The following PPP5C variants were observed in gnomAD, a reference collection of about 807,000 sequenced individuals.
The protein encoded by PPP5C is serine/threonine-protein phosphatase 5.
In PPP5C, 21 loss-of-function variants were observed where a neutral mutation model predicts 66.7. The observed-to-expected ratio is 0.31, with a 90% CI of 0.22 to 0.45. PPP5C has a LOEUF of 0.45. Among genes scored for constraint, PPP5C ranks in the 20% least tolerant of loss-of-function variants. The pLI is 1.00. For missense variants in PPP5C, 464 were observed against 675.9 expected (o/e 0.69, Z 3.48); for synonymous variants, 246 against 257.4 (o/e 0.96, Z 0.43).
intron 1 of PPP5C, among the ~76,000 whole-genome samples, chr19:46,350,827 G>T (rs1386040367): frequency 6.6e-6 from 1 of 152,108 alleles, no homozygotes. Context: ...CACGTGCTTG[G>T]CTCCCACGTT....
intron 4 of PPP5C, among the ~76,000 whole-genome samples, chr19:46,377,498 GGTT>G (rs1379056191): frequency 6.6e-6 from 1 of 152,186 alleles, no homozygotes; most frequent in Admixed American, 6.5e-5. Context: ...CCACATTCCT[GGTT>G]GTTTTTAATT....
At position 46,383,091 on chromosome 19, in the gene PPP5C, C is replaced by G; in HGVS notation, c.634-320C>G. 1 of 1,197,496 alleles carries G rather than the reference C, an allele frequency of 8.4e-7. No individual in the cohort carries two copies. Among genetic ancestry groups the G allele is most frequent in the Non-Finnish European group, 1.1e-6 (1 of 928,008 alleles). 74.2% of individuals were successfully genotyped at this position (1,197,496 alleles called of 1,614,324 possible). A position where few individuals can be genotyped will look rare whatever the true frequency, so the allele number is the denominator to read the frequency against. ...CAGTGACATTGCGCTGTGTCCAGGC[C>G]AGTTCTTTTATAAAATGTTCTACGA... is the stretch of plus-strand genomic sequence containing the variant. On this transcript the variant is annotated intron_variant, in intron 4 of 12. Transcript: ENST00000012443. The surrounding 1 kb of genome is among the most constrained non-coding windows in gnomAD (Gnocchi z 5.0).
In PPP5C at chr19:46,354,758, C is replaced by T. The variant is rs766862809; in HGVS notation, c.363+769C>T. ...GCCGCAGTGAGCTATGCTCTCACCA[C>T]TCCACTCCAGCCTGGGCGACACAGT... On this transcript the variant is annotated intron_variant, in intron 2 of 12. Transcript: ENST00000012443. 7.9e-5 allele frequency among the ~76,000 whole-genome samples: 12 copies of T among 151,978 alleles called. No individual in the cohort carries two copies. The South Asian group carries it at 2.3e-3, about 29-fold the overall frequency.
rs573457765 is a variant in PPP5C at position 46,353,313 on chromosome 19, A to G, written c.122-435A>G. On this transcript the variant is annotated intron_variant, in intron 1 of 12. Transcript: ENST00000012443. ...CCACACTTAGAACATCAGTGTCCAG[A>G]CCTCACTGTGGCTGCCCGGGGCCCA... Among the ~76,000 whole-genome samples, 3 of 152,102 alleles carry G rather than the reference A, an allele frequency of 2.0e-5. No individual in the cohort carries two copies. The East Asian group carries it at 5.8e-4, about 29-fold the overall frequency.
At position 46,372,212 on chromosome 19, in the gene PPP5C, G is replaced by GT. The variant is rs548209959; in HGVS notation, c.364-3383dup. Among the ~76,000 whole-genome samples, 92 of 150,926 alleles carry GT rather than the reference G, an allele frequency of 6.1e-4. 1 individual carries two copies. The highest frequency in any genetic ancestry group is 4.0e-3 in the South Asian group (19 of 4,744). ...GGTTTTTTTGTATTGTTTTGTTTTG[G>GT]TTTTTTTTTGAGACAGAATCTCACT... On this transcript the variant is annotated intron_variant, in intron 2 of 12. Transcript: ENST00000012443.
intron 2 of PPP5C, among the ~76,000 whole-genome samples, chr19:46,361,288 C>A (rs1231867283): frequency 6.6e-6 from 1 of 151,164 alleles, no homozygotes; most frequent in Non-Finnish European, 1.5e-5. Flanking sequence ...TGCTACCACG[C>A]CCAGCGTATT....
At position 46,385,675 on chromosome 19, in the gene PPP5C, G is replaced by A. The variant is rs557683146; in HGVS notation, c.904+766G>A. Among the ~76,000 whole-genome samples the A allele has an allele frequency of 1.1e-4, 16 of 152,118 alleles. No homozygotes were observed. In the East Asian group the frequency reaches 2.9e-3, roughly 28 times the overall value. On this transcript the variant is annotated intron_variant, in intron 7 of 12. Coordinates refer to ENST00000012443, the MANE Select transcript of PPP5C (RefSeq NM_006247.4). ...CACGCCTGTAATCCCAGCTGCCTGG[G>A]AGGCTGAGGCAGGAGAATCGCTTGA...
Position 46,383,811 on chromosome 19 carries a change from A to G in PPP5C, c.731A>G (p.His244Arg), listed in dbSNP as rs1392611532. 6.2e-7 allele frequency: 1 copy of G among 1,612,658 alleles called. No homozygotes were observed. Among genetic ancestry groups the G allele is most frequent in the Non-Finnish European group, 8.5e-7 (1 of 1,179,234 alleles). Residue 244 changes from histidine (H) to arginine (R), a missense_variant, in exon 6 of 13, where the codon CAT becomes CGT. Coordinates refer to ENST00000012443, the MANE Select transcript of PPP5C (RefSeq NM_006247.4). The surrounding 1 kb of genome is among the most constrained non-coding windows in gnomAD (Gnocchi z 5.0). ...TEKITVCGDT[H>R]GQFYDLLNIF... Reference sequence around the variant, plus strand: ...AAGATTACAGTATGTGGGGACACCCATGGCCAGTTCTATGACCTCCTCAAC... The same window carrying G: ...AAGATTACAGTATGTGGGGACACCCGTGGCCAGTTCTATGACCTCCTCAAC...
intron 2 of PPP5C, among the ~76,000 whole-genome samples, chr19:46,364,693 A>C (rs899338859): frequency 4.6e-5 from 7 of 152,174 alleles, no homozygotes; most frequent in African/African-American, 1.7e-4. Flanking sequence ...CAAATCTCTT[A>C]TGAGATTGCA....
rs1025177600 is a variant in PPP5C, at chr19:46,347,123, T to C, written c.27T>C (p.Thr9=). Residue 9 remains threonine (T), a synonymous_variant, in exon 1 of 13, where the codon ACT becomes ACC. Transcript: ENST00000012443. MAMAEGER[T]ECAEPPRDEP... is the part of the protein sequence containing the mutation. ...TGGCGATGGCGGAGGGCGAGAGGAC[T>C]GAGTGTGCTGAGCCCCCCCGGGACG... The C allele has an allele frequency of 1.2e-6, 2 of 1,604,602 alleles. No individual in the cohort carries two copies. Among genetic ancestry groups the C allele is most frequent in the South Asian group, 2.2e-5 (2 of 89,634 alleles).
At chr19:46,371,659 G>A (rs1009275728) in intron 2 of PPP5C, among the ~76,000 whole-genome samples, 2 of 152,156 alleles carry the variant, frequency 1.3e-5, no homozygotes, top group Non-Finnish European at 2.9e-5. Flanking sequence ...TGGTCTCTCT[G>A]ACTTATTATA....
intron 1 of PPP5C, among the ~76,000 whole-genome samples, chr19:46,348,308 T>A (rs916622832): frequency 2.1e-5 from 1 of 46,518 alleles, no homozygotes; most frequent in Non-Finnish European, 3.2e-5. Flanking sequence ...CAGTTTGGAA[T>A]TTTTTTTTTT....
At chr19:46,367,566 A>G (rs1314321710) in intron 2 of PPP5C, among the ~76,000 whole-genome samples, 4 of 152,032 alleles carry the variant, frequency 2.6e-5, no homozygotes, top group Admixed American at 2.6e-4. Context: ...CTTAAAACCC[A>G]CTCACCCACA....
rs781071264 is a variant in PPP5C at position 46,388,477 on chromosome 19, C to A, written c.1176+29C>A. On this transcript the variant is annotated intron_variant, in intron 10 of 12. Coordinates refer to ENST00000012443, the MANE Select transcript of PPP5C (RefSeq NM_006247.4). The surrounding 1 kb of genome is among the most constrained non-coding windows in gnomAD (Gnocchi z 4.9). ...AGTCTAGGGTGGGGTGCAGGGCCGG[C>A]GGGTGTGGGCTGTGGCAGCAGGTGG... 2 of 1,609,924 alleles carry A rather than the reference C, an allele frequency of 1.2e-6. No homozygotes were observed. The highest frequency in any genetic ancestry group is 1.7e-6 in the Non-Finnish European group (2 of 1,177,016).
intron 2 of PPP5C, among the ~76,000 whole-genome samples, chr19:46,371,850 A>G (rs949771726): frequency 2.6e-5 from 4 of 152,210 alleles, no homozygotes; most frequent in East Asian, 3.9e-4. Context: ...GCTGCTGCTC[A>G]TTGTCTGCAT....
intron 12 of PPP5C, 21 bp from the exon 13 acceptor site, chr19:46,390,263 C>G (rs199990514): frequency 6.3e-7 from 1 of 1,594,446 alleles, no homozygotes; most frequent in Admixed American, 1.8e-5. Flanking sequence ...TCTGTCCATC[C>G]CACCTGCCCT....
At chr19:46,382,071 G>C (rs1388919364) in intron 4 of PPP5C, 1 of 152,186 alleles carries the variant, frequency 6.6e-6, no homozygotes, top group African/African-American at 2.4e-5. Context: ...CCCCACTTCT[G>C]TACCTCAGGA....
chr19:46,353,006 C>T (rs904855028), intron 1 of PPP5C, among the ~76,000 whole-genome samples: 1 of 152,122 alleles, frequency 6.6e-6, no homozygotes, highest in African/African-American at 2.4e-5. Flanking sequence ...ACATCACGGC[C>T]CCCAGTGGGG....
At chr19:46,387,995 G>T in intron 9 of PPP5C, 1 of 278,338 alleles carries the variant, frequency 3.6e-6, no homozygotes, top group East Asian at 7.9e-5. Context: ...GTTGGCGAGT[G>T]GGCAGGGCTG....
Sources: gnomAD v4.1 joint callset for allele counts (sites outside exome capture counted in the v4.1 genomes callset) on GRCh38, gnomAD v4.1.1 for gene constraint, Gnocchi (gnomAD v3.1) non-coding constraint, MANE v1.5 for transcripts, NCBI Gene and HGNC (gene_info 2026-07-23, HGNC 2026-07-21) for gene names.